Variants in RBFOX1 observed in about 807,000 individuals in gnomAD.
RBFOX1 encodes RNA binding fox-1 homolog 1, also known as RNA binding protein fox-1 homolog 1.
Under a neutral mutation model 57.7 loss-of-function variants are expected in RBFOX1, and 8 were observed. The ratio of observed to expected loss-of-function variants is 0.14; its 90% CI spans 0.08 to 0.25. RBFOX1 has a LOEUF of 0.25. RBFOX1 is among the 10% of genes least tolerant of loss of function. The pLI is 1.00. For missense variants in RBFOX1, 611 were observed against 548.5 expected (o/e 1.11, Z -1.14); for synonymous variants, 326 against 222.4 (o/e 1.47, Z -4.15).
chr16:6,377,397 C>T (rs1052697571), intron 2 of RBFOX1, among the ~76,000 whole-genome samples: 3 of 152,122 alleles, frequency 2.0e-5, no homozygotes, highest in African/African-American at 7.2e-5. Context: ...AATAAGCCCA[C>T]GTTCTGACAT....
rs184178054 is a variant in RBFOX1 at position 7,100,347 on chromosome 16, A to G, written c.27+48249A>G. 3.1e-3 allele frequency among the ~76,000 whole-genome samples: 472 copies of G among 152,172 alleles called. 2 individuals are homozygous for G. Among genetic ancestry groups the G allele is most frequent in the African/African-American group, 0.011 (455 of 41,524 alleles). On this transcript the variant is annotated intron_variant, in intron 4 of 15. Coordinates refer to ENST00000550418, the MANE Select transcript of RBFOX1 (RefSeq NM_018723.4). ...TTTGGACATTATGAAAAAATTTGCT[A>G]TATGAAGTAGAATCTGACTCCCCCC...
At chr16:7,041,835 T>G (rs2046280450) in intron 3 of RBFOX1, among the ~76,000 whole-genome samples, 1 of 152,248 alleles carries the variant, frequency 6.6e-6, no homozygotes, top group Admixed American at 6.5e-5. Context: ...TGCTGAATTT[T>G]TAAATGTGTT....
intron 4 of RBFOX1, among the ~76,000 whole-genome samples, chr16:7,322,839 C>T (rs372246457): frequency 3.9e-5 from 6 of 152,242 alleles, no homozygotes; most frequent in African/African-American, 1.4e-4. Context: ...CTCCTGCGTT[C>T]CTTCCCCTTC....
At chr16:5,479,490 G>C (rs2677800) in intron 2 of RBFOX1, among the ~76,000 whole-genome samples, 2 of 152,010 alleles carry the variant, frequency 1.3e-5, no homozygotes, top group African/African-American at 4.8e-5. Context: ...CAGGCATGGT[G>C]GCTCATGCTT....
chr16:5,691,566 A>AT (rs1326195961), intron 3 of RBFOX1, among the ~76,000 whole-genome samples: 1 of 150,430 alleles, frequency 6.6e-6, no homozygotes, highest in African/African-American at 2.5e-5. Flanking sequence ...CAGATTTTGA[A>AT]TTTTTTCAAA....
chr16:7,319,478 T>C (rs1353261766), intron 4 of RBFOX1, among the ~76,000 whole-genome samples: 3 of 152,230 alleles, frequency 2.0e-5, no homozygotes, highest in Non-Finnish European at 2.9e-5. Flanking sequence ...TTCAGGTCAG[T>C]GTTTGTATGT....
chr16:6,073,256 A>G (rs1173508642), intron 1 of RBFOX1, among the ~76,000 whole-genome samples: 3 of 152,220 alleles, frequency 2.0e-5, no homozygotes, highest in Admixed American at 6.5e-5. Flanking sequence ...ATTTAAGACA[A>G]AAATGACTCT....
At chr16:6,923,178 C>A (rs2074860409) in intron 3 of RBFOX1, among the ~76,000 whole-genome samples, 1 of 152,176 alleles carries the variant, frequency 6.6e-6, no homozygotes, top group African/African-American at 2.4e-5. Flanking sequence ...ACCCTGGTCC[C>A]TGCTCCTGGT....
intron 2 of RBFOX1, among the ~76,000 whole-genome samples, chr16:6,495,367 C>T (rs1382561070): frequency 6.6e-6 from 1 of 151,794 alleles, no homozygotes; most frequent in Admixed American, 6.6e-5. Context: ...GATCCACCGC[C>T]CCCCGCCCCC....
At chr16:6,681,753 C>T (rs751805300) in intron 3 of RBFOX1, among the ~76,000 whole-genome samples, 3 of 151,500 alleles carry the variant, frequency 2.0e-5, no homozygotes, top group Non-Finnish European at 4.4e-5. Context: ...AATTAATAGA[C>T]ATAACCACTC....
In RBFOX1 at chr16:6,846,034, C is replaced by G. The variant is rs563128037; in HGVS notation, c.-16+191384C>G. On this transcript the variant is annotated intron_variant, in intron 3 of 15. Coordinates refer to ENST00000550418, the MANE Select transcript of RBFOX1 (RefSeq NM_018723.4). The stretch of plus-strand genomic sequence containing the variant: ...TGTGCATCTGCTTCAGGCCATATTT[C>G]TGTCCCTCAACAAGCACATCACAGT... Among the ~76,000 whole-genome samples the G allele has an allele frequency of 1.1e-4, 16 of 152,340 alleles. 1 individual carries two copies. Among genetic ancestry groups the G allele is most frequent in the East Asian group, 1.9e-4 (1 of 5,180 alleles).
intron 3 of RBFOX1, among the ~76,000 whole-genome samples, chr16:5,664,628 A>T (rs1256415758): frequency 2.0e-5 from 3 of 152,172 alleles, no homozygotes; most frequent in African/African-American, 7.2e-5. Flanking sequence ...AAACTCCCTA[A>T]GGGTTTATCC....
intron 4 of RBFOX1, among the ~76,000 whole-genome samples, chr16:7,121,091 C>G (rs947468210): frequency 1.3e-5 from 2 of 151,876 alleles, no homozygotes; most frequent in Non-Finnish European, 2.9e-5. Context: ...TCTCAACTAA[C>G]TAGAAATAGA....
intron 2 of RBFOX1, among the ~76,000 whole-genome samples, chr16:5,579,174 A>G (rs1033964377): frequency 8.5e-5 from 13 of 152,078 alleles, no homozygotes; most frequent in African/African-American, 3.1e-4. Flanking sequence ...AAATTGGTCA[A>G]GACTGGACCT....
intron 1 of RBFOX1, among the ~76,000 whole-genome samples, chr16:5,418,747 T>C (rs1233460299): frequency 2.6e-5 from 4 of 152,126 alleles, no homozygotes; most frequent in Non-Finnish European, 5.9e-5. Flanking sequence ...CTTCCTTTCA[T>C]CCCTCCCTCT....
At chr16:6,485,405 A>G (rs934424960) in intron 2 of RBFOX1, among the ~76,000 whole-genome samples, 61 of 149,486 alleles carry the variant, frequency 4.1e-4, no homozygotes, top group African/African-American at 1.4e-3. Flanking sequence ...TCCTTATCCC[A>G]TTTTTTTTCA....
intron 2 of RBFOX1, among the ~76,000 whole-genome samples, chr16:5,528,359 C>T (rs1258273416): frequency 6.6e-6 from 1 of 152,044 alleles, no homozygotes; most frequent in East Asian, 1.9e-4. Flanking sequence ...TTTTTAAAGG[C>T]ACATCATTCA....
chr16:6,361,215 G>C (rs1431794371), intron 2 of RBFOX1, among the ~76,000 whole-genome samples: 1 of 152,148 alleles, frequency 6.6e-6, no homozygotes, highest in African/African-American at 2.4e-5. Flanking sequence ...GTGTCGAGGA[G>C]AAGAAAGGCA....
At chr16:7,542,835 G>C (rs2152480747) in intron 5 of RBFOX1, among the ~76,000 whole-genome samples, 2 of 115,752 alleles carry the variant, frequency 1.7e-5, no homozygotes, top group Admixed American at 1.7e-4. Context: ...GAGGAACAGA[G>C]GGGAGAGAGA....
Sources: allele counts gnomAD v4.1 joint callset (sites outside exome capture counted in the v4.1 genomes callset), GRCh38; gene constraint gnomAD v4.1.1; transcripts MANE v1.5; gene names NCBI Gene and HGNC (gene_info 2026-07-23, HGNC 2026-07-21).